TOM1L2: variants seen among roughly 807,000 people sequenced by gnomAD.
TOM1L2 encodes TOM1-like protein 2.
In TOM1L2, 31 loss-of-function variants were observed where a neutral mutation model predicts 67.9. The observed-to-expected ratio is 0.46, with a 90% CI of 0.34 to 0.62. TOM1L2 has a LOEUF of 0.62. Among genes scored for constraint, TOM1L2 ranks in the 20% least tolerant of loss-of-function variants. The pLI is 0.01. For synonymous variants in TOM1L2, 256 were observed against 254.0 expected (o/e 1.01, Z -0.07); for missense variants, 606 against 663.5 (o/e 0.91, Z 0.95).
chr17:17,958,270 T>G (rs2041546794), intron 1 of TOM1L2, among the ~76,000 whole-genome samples: 1 of 151,996 alleles, frequency 6.6e-6, no homozygotes, highest in Non-Finnish European at 1.5e-5. Flanking sequence ...TCACAGCAAA[T>G]CAGCAGCAGA....
At chr17:17,898,740 T>C (rs1289704707) in intron 2 of TOM1L2, 66 bp from the exon 3 acceptor site, 30 of 1,505,944 alleles carry the variant, frequency 2.0e-5, no homozygotes, top group Non-Finnish European at 2.6e-5. Context: ...CCTACAGATA[T>C]GTGAACTAGT....
chr17:17,874,650 A>C lies in TOM1L2; in HGVS notation c.777+4977T>G, dbSNP rs139614444. ...CATTGTGACCTCAGCTTGGAGGAAG[A>C]ATGAGCCCCAAGGGCACAGAATGCA... On this transcript the variant is annotated intron_variant, in intron 7 of 14. Coordinates refer to ENST00000379504, the MANE Select transcript of TOM1L2 (RefSeq NM_001082968.2). 5.6e-4 allele frequency among the ~76,000 whole-genome samples: 85 copies of C among 152,334 alleles called. 1 individual carries two copies. The South Asian group carries it at 0.018, about 32-fold the overall frequency.
intron 12 of TOM1L2, among the ~76,000 whole-genome samples, chr17:17,854,468 G>A (rs1230282471): frequency 6.6e-6 from 1 of 151,806 alleles, no homozygotes. Context: ...AAGGCTGTTG[G>A]CTCTGATGTG....
chr17:17,886,291 C>T (rs988397427), intron 4 of TOM1L2, among the ~76,000 whole-genome samples: 1 of 152,260 alleles, frequency 6.6e-6, no homozygotes, highest in African/African-American at 2.4e-5. Flanking sequence ...TTCCCTGATG[C>T]ACTTATTTAA....
At chr17:17,940,388 G>A (rs2040685538) in intron 1 of TOM1L2, among the ~76,000 whole-genome samples, 1 of 151,986 alleles carries the variant, frequency 6.6e-6, no homozygotes, top group Non-Finnish European at 1.5e-5. Flanking sequence ...AGGAAGATGA[G>A]GCTCAGAAAA....
intron 1 of TOM1L2, among the ~76,000 whole-genome samples, chr17:17,970,800 G>T (rs1242198880): frequency 6.6e-6 from 1 of 152,188 alleles, no homozygotes; most frequent in Non-Finnish European, 1.5e-5. Context: ...AAGCAAAGCA[G>T]AAAATAAACA....
intron 1 of TOM1L2, among the ~76,000 whole-genome samples, chr17:17,938,147 T>C (rs750589862): frequency 6.6e-6 from 1 of 152,094 alleles, no homozygotes; most frequent in African/African-American, 2.4e-5. Context: ...GGACTACAGG[T>C]AGAAATGAGA....
At chr17:17,856,537 AG>A (rs1488101669) in intron 12 of TOM1L2, among the ~76,000 whole-genome samples, 1 of 152,218 alleles carries the variant, frequency 6.6e-6, no homozygotes, top group Non-Finnish European at 1.5e-5. Context: ...TTGCTCAAGC[AG>A]GTGGACCCTG....
At chr17:17,965,438 A>G (rs2041841406) in intron 1 of TOM1L2, among the ~76,000 whole-genome samples, 1 of 152,154 alleles carries the variant, frequency 6.6e-6, no homozygotes, top group Non-Finnish European at 1.5e-5. Context: ...GAAACCAAAC[A>G]TCCTTTTCCA....
intron 13 of TOM1L2, among the ~76,000 whole-genome samples, chr17:17,850,389 G>A (rs979522846): frequency 9.2e-5 from 14 of 152,010 alleles, no homozygotes; most frequent in African/African-American, 3.1e-4. Flanking sequence ...GGTCTTTGGG[G>A]CAGGGGTTCT....
chr17:17,894,971 A>ATGCATG (rs1482198508), intron 3 of TOM1L2, among the ~76,000 whole-genome samples: 32 of 65,910 alleles, frequency 4.9e-4, no homozygotes, highest in Middle Eastern at 0.01. Flanking sequence ...ATACATACAT[A>ATGCATG]CATACATGCA....
intron 12 of TOM1L2, chr17:17,857,804 C>T: frequency 6.5e-7 from 1 of 1,535,600 alleles, no homozygotes; most frequent in South Asian, 1.2e-5. Flanking sequence ...TCTATGGGCT[C>T]CAGGTCAGAC....
chr17:17,869,744 A>T lies in TOM1L2; in HGVS notation c.778-271T>A, dbSNP rs953685342. 3.6e-6 allele frequency: 4 copies of T among 1,097,544 alleles called. No individual in the cohort carries two copies. The African/African-American group carries it at 6.4e-5, about 18-fold the overall frequency. The allele number at this position is 1,097,544 out of a possible 1,614,324, so 68.0% of individuals were successfully genotyped here. A position where few individuals can be genotyped will look rare whatever the true frequency, so the allele number is the denominator to read the frequency against. On this transcript the variant is annotated intron_variant, in intron 7 of 14. Transcript: ENST00000379504. ...ACATGCTTGTACAAATCATTAAAAA[A>T]TATTAAAATGTGATTCTTTCCAGAT...
At chr17:17,853,696 T>C (rs1305123136) in intron 12 of TOM1L2, among the ~76,000 whole-genome samples, 1 of 152,172 alleles carries the variant, frequency 6.6e-6, no homozygotes, top group African/African-American at 2.4e-5. Context: ...GTGGGGTCCA[T>C]CTGGGCCCTC....
chr17:17,921,757 G>C (rs1222569307), intron 1 of TOM1L2, among the ~76,000 whole-genome samples: 1 of 149,716 alleles, frequency 6.7e-6, no homozygotes, highest in Non-Finnish European at 1.5e-5. Flanking sequence ...GGGGCGGGGT[G>C]GGGGGGTGGG....
chr17:17,895,667 C>G (rs1263221935), intron 3 of TOM1L2, among the ~76,000 whole-genome samples: 1 of 152,198 alleles, frequency 6.6e-6, no homozygotes, highest in African/African-American at 2.4e-5. Flanking sequence ...TTCTCTGGAG[C>G]CCCAGTCTCC....
chr17:17,929,089 G>C (rs928168966), intron 1 of TOM1L2, among the ~76,000 whole-genome samples: 4 of 152,166 alleles, frequency 2.6e-5, no homozygotes, highest in African/African-American at 9.7e-5. Context: ...CCTTTCCTTG[G>C]CTACTTAAAA....
At chr17:17,877,603 G>A (rs1011265274) in intron 7 of TOM1L2, among the ~76,000 whole-genome samples, 1 of 152,304 alleles carries the variant, frequency 6.6e-6, no homozygotes, top group African/African-American at 2.4e-5. Flanking sequence ...TGGCGGAGGC[G>A]TGCAGCCAAC....
intron 12 of TOM1L2, among the ~76,000 whole-genome samples, chr17:17,854,947 G>A (rs2036185547): frequency 6.6e-6 from 1 of 152,198 alleles, no homozygotes. Flanking sequence ...AAGAAGACAT[G>A]TGAAGAGAGA....
Sources: gnomAD v4.1 joint callset for allele counts (sites outside exome capture counted in the v4.1 genomes callset) on GRCh38, gnomAD v4.1.1 for gene constraint, MANE v1.5 for transcripts, NCBI Gene and HGNC (gene_info 2026-07-23, HGNC 2026-07-21) for gene names.